The following ALDH1A3 variants were observed in gnomAD, a reference collection of about 807,000 sequenced individuals.
The protein encoded by ALDH1A3 is retinaldehyde dehydrogenase 3.
Under a neutral mutation model 57.5 loss-of-function variants are expected in ALDH1A3, and 28 were observed. That is an observed-to-expected ratio of 0.49 (90% CI 0.36 to 0.67). The LOEUF (loss-of-function observed/expected upper bound fraction) is 0.67. Among genes scored for constraint, ALDH1A3 ranks in the 30% least tolerant of loss-of-function variants. The pLI is 0.00. For synonymous variants in ALDH1A3, 281 were observed against 264.8 expected, an observed-to-expected ratio of 1.06 and a Z score of -0.59; for missense variants, 507 against 669.4, an observed-to-expected ratio of 0.76 and a Z score of 2.68.
At chr15:100,910,872 C>T (rs966098145) in intron 12 of ALDH1A3, among the ~76,000 whole-genome samples, 4 of 152,204 alleles carry the variant, frequency 2.6e-5, no homozygotes, top group Admixed American at 2.6e-4. Flanking sequence ...AGCTGCAGGG[C>T]CCCCAATCCC....
chr15:100,904,771 A>C (rs1358825787), intron 9 of ALDH1A3, among the ~76,000 whole-genome samples: 1 of 152,214 alleles, frequency 6.6e-6, no homozygotes, highest in East Asian at 1.9e-4. Flanking sequence ...AACTCCAGCC[A>C]AGGAGACGTC....
rs1277312540 is a variant in ALDH1A3 at position 100,894,385 on chromosome 15, G to A, written c.666+303G>A. On this transcript the variant is annotated intron_variant, in intron 6 of 12. Coordinates refer to ENST00000329841, the MANE Select transcript of ALDH1A3 (RefSeq NM_000693.4). The surrounding 1 kb of genome is among the most constrained non-coding windows in gnomAD (Gnocchi z 4.5). ...TTTTCAGGGGGGGTCAACCAAGAGG[G>A]AGCCAAATATTTGGGAGGTTCTCTG... 3.7e-6 allele frequency: 1 copy of A among 270,950 alleles called. No individual in the cohort carries two copies. The highest frequency in any genetic ancestry group is 2.2e-5 in the African/African-American group (1 of 45,880). 16.8% of individuals were successfully genotyped at this position (270,950 alleles called of 1,614,324 possible).
In ALDH1A3 at chr15:100,879,942, A is replaced by C; in HGVS notation, c.35A>C (p.Gln12Pro). 6.8e-7 allele frequency: 1 copy of C among 1,470,672 alleles called. No homozygotes were observed. The highest frequency in any genetic ancestry group is 9.0e-7 in the Non-Finnish European group (1 of 1,109,610). 91.1% of individuals were successfully genotyped at this position (1,470,672 alleles called of 1,614,324 possible). A position where few individuals can be genotyped will look rare whatever the true frequency, so the allele number is the denominator to read the frequency against. Residue 12 changes from glutamine to proline, a missense_variant, in exon 1 of 13, where the codon CAG (glutamine) becomes CCG (proline). By Grantham distance (76) the Gln-to-Pro change is moderately conservative. Coordinates refer to ENST00000329841, the MANE Select transcript of ALDH1A3 (RefSeq NM_000693.4). ...ATANGAVENG[Q>P]PDRKPPALPR... ...GCTAACGGGGCCGTGGAAAACGGGC[A>C]GCCGGACAGGAAGCCGCCGGCCCTG...
intron 1 of ALDH1A3, among the ~76,000 whole-genome samples, chr15:100,884,023 G>A (rs971313585): frequency 2.6e-5 from 4 of 152,186 alleles, no homozygotes; most frequent in Non-Finnish European, 5.9e-5. Flanking sequence ...GGAACCTGAT[G>A]AACTAATTCT....
At chr15:100,883,937 C>G (rs902082976) in intron 1 of ALDH1A3, among the ~76,000 whole-genome samples, 4 of 152,146 alleles carry the variant, frequency 2.6e-5, no homozygotes, top group African/African-American at 9.7e-5. Flanking sequence ...CCTTGAGGGA[C>G]GCAATTCTTC....
intron 9 of ALDH1A3, 27 bp from the exon 10 acceptor site, chr15:100,905,496 G>C (rs754078906): frequency 6.2e-7 from 1 of 1,614,110 alleles, no homozygotes; most frequent in African/African-American, 1.3e-5. Flanking sequence ...AGGAAGCCAG[G>C]CTGTACTTCT....
intron 6 of ALDH1A3, 112 bp from the exon 7 acceptor site, chr15:100,895,821 G>A (rs756295694): frequency 1.0e-4 from 96 of 927,642 alleles, no homozygotes; most frequent in Middle Eastern, 6.4e-4. Context: ...AATCCAGCCC[G>A]GCCCGGGTTC....
At position 100,893,880 on chromosome 15, in the gene ALDH1A3, A is replaced by C. The variant is rs1460973436; in HGVS notation, c.538-74A>C. The C allele has an allele frequency of 1.3e-6, 2 of 1,551,330 alleles. No individual in the cohort carries two copies. The highest frequency in any genetic ancestry group is 4.0e-5 in the Admixed American group (2 of 49,656). On this transcript the variant is annotated intron_variant, in intron 5 of 12. Transcript: ENST00000329841. The surrounding 1 kb of genome is among the most constrained non-coding windows in gnomAD (Gnocchi z 4.8). ...CCATGAAAAGCAAGTGTCCTCCACAAAGGCATCGTTGAGCACATGGGACAG... is the reference window on the plus strand; with the variant it reads ...CCATGAAAAGCAAGTGTCCTCCACACAGGCATCGTTGAGCACATGGGACAG...
In ALDH1A3 at chr15:100,894,175, C is replaced by T. The variant is rs1461211139; in HGVS notation, c.666+93C>T. The T allele has an allele frequency of 1.4e-6, 2 of 1,476,368 alleles. No individual in the cohort carries two copies. The highest frequency in any genetic ancestry group is 9.2e-7 in the Non-Finnish European group (1 of 1,086,186). 91.5% of individuals were successfully genotyped at this position (1,476,368 alleles called of 1,614,324 possible). On this transcript the variant is annotated intron_variant, in intron 6 of 12. Coordinates refer to ENST00000329841, the MANE Select transcript of ALDH1A3 (RefSeq NM_000693.4). This position sits in a 1 kb window ranked among gnomAD's most constrained non-coding sequence, Gnocchi z 4.5. ...CGTCACGAGATGGGACAGTGGCAGA[C>T]TGCTGGCAATCGAGTGGGAAGGGAA...
chr15:100,895,692 CA>C (rs1386833806), intron 6 of ALDH1A3: 3 of 558,110 alleles, frequency 5.4e-6, no homozygotes, highest in Non-Finnish European at 9.7e-6. Flanking sequence ...GGTCCCCCCC[CA>C]GAAGGAGAAG....
chr15:100,898,052 G>C, intron 7 of ALDH1A3, 31 bp from the exon 8 acceptor site: 1 of 1,600,686 alleles, frequency 6.2e-7, no homozygotes, highest in Non-Finnish European at 8.6e-7. Flanking sequence ...CAACATCCAA[G>C]GTAAATTGTG....
At chr15:100,880,311 C>T (rs1312374258) in intron 1 of ALDH1A3, 1 of 373,984 alleles carries the variant, frequency 2.7e-6, no homozygotes, top group African/African-American at 2.1e-5. Flanking sequence ...GCGCTGCCCG[C>T]TTTGATCGCG....
chr15:100,910,516 T>C (rs1314528210), intron 12 of ALDH1A3, among the ~76,000 whole-genome samples: 1 of 152,344 alleles, frequency 6.6e-6, no homozygotes, highest in African/African-American at 2.4e-5. Flanking sequence ...TGTTCCTTCA[T>C]ACCATCCTCA....
At chr15:100,914,593 T>G in intron 12 of ALDH1A3, 108 bp from the exon 13 acceptor site, 1 of 1,014,004 alleles carries the variant, frequency 9.9e-7, no homozygotes, top group Non-Finnish European at 1.5e-6. Context: ...TTTAACCTTT[T>G]GCATAAGCCT....
At chr15:100,907,418 C>G in intron 11 of ALDH1A3, 140 bp downstream of exon 11, 1 of 982,860 alleles carries the variant, frequency 1.0e-6, no homozygotes, top group Non-Finnish European at 1.5e-6. Context: ...CTTCCATCCT[C>G]ATGACCATCT....
intron 9 of ALDH1A3, among the ~76,000 whole-genome samples, chr15:100,902,524 A>G (rs902956783): frequency 3.3e-5 from 5 of 152,218 alleles, no homozygotes; most frequent in African/African-American, 1.2e-4. Flanking sequence ...GCTCACAGGA[A>G]TGCTCCAAAA....
In ALDH1A3 at chr15:100,898,007, A is replaced by G. The variant is rs1453008336; in HGVS notation, c.781-76A>G. On this transcript the variant is annotated intron_variant, in intron 7 of 12. Coordinates refer to ENST00000329841, the MANE Select transcript of ALDH1A3 (RefSeq NM_000693.4). ...GCACTGCCACCCGGGCTTGATCAGA[A>G]TGTTCACTGATGTTTACGCCTGGGC... The G allele has an allele frequency of 5.7e-6, 8 of 1,409,866 alleles. No individual in the cohort carries two copies. In the South Asian group the frequency reaches 9.6e-5, roughly 17 times the overall value. The allele number at this position is 1,409,866 out of a possible 1,614,324, so 87.3% of individuals were successfully genotyped here.
In ALDH1A3 at chr15:100,906,997, C is replaced by T; in HGVS notation, c.1234-124C>T. 4.7e-6 allele frequency: 5 copies of T among 1,073,954 alleles called. No homozygotes were observed. Among genetic ancestry groups the T allele is most frequent in the Non-Finnish European group, 5.2e-6 (4 of 764,450 alleles). 66.5% of individuals were successfully genotyped at this position (1,073,954 alleles called of 1,614,324 possible). ...TGGACGTTCTTTCTTCTCTAATCAT[C>T]GTTTTTCAGGCATGTGTGTGCTCTG... On this transcript the variant is annotated intron_variant, in intron 10 of 12. Transcript: ENST00000329841. This position sits in a 1 kb window ranked among gnomAD's most constrained non-coding sequence, Gnocchi z 4.8.
intron 2 of ALDH1A3, among the ~76,000 whole-genome samples, chr15:100,886,167 G>GT (rs2041592897): frequency 6.6e-6 from 1 of 152,234 alleles, no homozygotes; most frequent in Non-Finnish European, 1.5e-5. Flanking sequence ...TTGCCCATGA[G>GT]TTTTTGTGAC....
Sources: gnomAD v4.1 joint callset for allele counts (sites outside exome capture counted in the v4.1 genomes callset) on GRCh38, gnomAD v4.1.1 for gene constraint, Gnocchi (gnomAD v3.1) non-coding constraint, MANE v1.5 for transcripts, NCBI Gene and HGNC (gene_info 2026-07-23, HGNC 2026-07-21) for gene names.